The following PRDM1 variants were observed in gnomAD, a reference collection of about 807,000 sequenced individuals.
The protein encoded by PRDM1 is PR domain zinc finger protein 1.
PRDM1 carries 13 observed loss-of-function variants against 62.8 expected under a neutral mutation model. That is an observed-to-expected ratio of 0.21 (90% CI 0.13 to 0.33). The LOEUF (loss-of-function observed/expected upper bound fraction) is 0.33. Among genes scored for constraint, PRDM1 ranks in the 10% least tolerant of loss-of-function variants. The pLI is 1.00. For missense variants in PRDM1, 895 were observed against 1,058.8 expected (o/e 0.85, Z 2.15); for synonymous variants, 396 against 417.6 (o/e 0.95, Z 0.63).
intron 4 of PRDM1, among the ~76,000 whole-genome samples, chr6:106,101,066 G>A (rs1401295064): frequency 6.6e-6 from 1 of 152,084 alleles, no homozygotes; most frequent in Non-Finnish European, 1.5e-5. Flanking sequence ...CAAATGCACA[G>A]GCACAGTGGC....
At position 106,080,054 on chromosome 6, in the gene PRDM1, C is replaced by T. The variant is rs182109581; in HGVS notation, c.-66-8147C>T. Among the ~76,000 whole-genome samples the T allele has an allele frequency of 4.5e-3, 689 of 152,258 alleles. 7 individuals are homozygous for T. The highest frequency in any genetic ancestry group is 6.8e-3 in the Middle Eastern group (2 of 294). On this transcript the variant is annotated intron_variant, in intron 1 of 6. Transcript: ENST00000651185. Reference sequence around the variant, plus strand: ...TGGAAGGAGAGCACATGCAGGTAGGCGCCAAATTGGCATTTAAAGCTCTGT... The same window carrying T: ...TGGAAGGAGAGCACATGCAGGTAGGTGCCAAATTGGCATTTAAAGCTCTGT...
chr6:106,048,906 G>T (rs1773124100), intron 1 of PRDM1, among the ~76,000 whole-genome samples: 1 of 151,738 alleles, frequency 6.6e-6, no homozygotes, highest in Non-Finnish European at 1.5e-5. Context: ...TCGGCTCACT[G>T]CAATCTCTGC....
chr6:106,024,475 A>C (rs1772740422), intron 1 of PRDM1, among the ~76,000 whole-genome samples: 1 of 152,234 alleles, frequency 6.6e-6, no homozygotes. Flanking sequence ...GACAGATTGC[A>C]GTTGAAATTT....
chr6:106,094,352 C>T (rs1774035181), intron 2 of PRDM1, among the ~76,000 whole-genome samples: 2 of 152,110 alleles, frequency 1.3e-5, no homozygotes, highest in African/African-American at 4.8e-5. Context: ...AAAACCAAAA[C>T]AAAACTGTAA....
Position 106,107,614 on chromosome 6 carries a change from C to A in PRDM1, c.*128C>A. 1.3e-6 allele frequency: 1 copy of A among 786,974 alleles called. No individual in the cohort carries two copies. The allele number at this position is 786,974 out of a possible 1,614,324, so 48.7% of individuals were successfully genotyped here. A position where few individuals can be genotyped will look rare whatever the true frequency, so the allele number is the denominator to read the frequency against. On this transcript the variant is annotated 3_prime_UTR_variant, in exon 7 of 7. Coordinates refer to ENST00000369096, the MANE Select transcript of PRDM1 (RefSeq NM_001198.4). ...TCGACAGCAAATGGTTTCCCCTCAC[C>A]TCTGGAATTAAAGAAGGAACTCCAA...
intron 1 of PRDM1, among the ~76,000 whole-genome samples, chr6:106,028,731 A>G (rs1478141014): frequency 6.6e-6 from 1 of 152,082 alleles, no homozygotes; most frequent in African/African-American, 2.4e-5. Context: ...GAGATGATGA[A>G]CATTCCATTA....
chr6:106,047,915 G>A (rs1178590406), upstream of PRDM1, among the ~76,000 whole-genome samples: 1 of 152,182 alleles, frequency 6.6e-6, no homozygotes, highest in East Asian at 1.9e-4. Context: ...TAAATTCAAA[G>A]TAGAAGCATA....
chr6:106,089,011 G>A (rs1274079567), intron 2 of PRDM1, among the ~76,000 whole-genome samples: 1 of 152,214 alleles, frequency 6.6e-6, no homozygotes, highest in Non-Finnish European at 1.5e-5. Context: ...TGACTTCAGA[G>A]CTAACCACTG....
chr6:106,059,200 A>G (rs1773309280), intron 1 of PRDM1, among the ~76,000 whole-genome samples: 1 of 152,202 alleles, frequency 6.6e-6, no homozygotes, highest in Non-Finnish European at 1.5e-5. Context: ...AATTTCAGGT[A>G]AGATAAAAAA....
chr6:106,029,080 C>G (rs1379457977), intron 1 of PRDM1, among the ~76,000 whole-genome samples: 2 of 152,038 alleles, frequency 1.3e-5, no homozygotes, highest in Non-Finnish European at 2.9e-5. Flanking sequence ...GCCACCATGC[C>G]CAGCTAATTT....
chr6:105,998,919 A>T (rs1772389597), intron 1 of PRDM1, among the ~76,000 whole-genome samples: 1 of 4,792 alleles, frequency 2.1e-4, no homozygotes, highest in Non-Finnish European at 7.4e-4. Context: ...ATATATATAT[A>T]TATATATATA....
chr6:106,033,350 T>G (rs1369443814), intron 1 of PRDM1, among the ~76,000 whole-genome samples: 1 of 150,756 alleles, frequency 6.6e-6, no homozygotes. Flanking sequence ...ACAGAATCTC[T>G]CTATATTGCC....
At chr6:106,101,669 G>A (rs751279468) in intron 4 of PRDM1, among the ~76,000 whole-genome samples, 1 of 152,222 alleles carries the variant, frequency 6.6e-6, no homozygotes, top group Non-Finnish European at 1.5e-5. Context: ...GATTGAGACT[G>A]TGATCAGGAA....
intron 1 of PRDM1, among the ~76,000 whole-genome samples, chr6:106,041,394 T>C (rs1434874914): frequency 6.6e-6 from 1 of 152,220 alleles, no homozygotes; most frequent in Non-Finnish European, 1.5e-5. Context: ...CAAATAATGA[T>C]TAAGAAAAAA....
rs543900772 is a variant in PRDM1, at chr6:106,004,727, A to G, written c.-67+11088A>G. Among the ~76,000 whole-genome samples, 10 of 152,344 alleles carry G rather than the reference A, an allele frequency of 6.6e-5. No individual in the cohort carries two copies. The South Asian group carries it at 2.1e-3, about 32-fold the overall frequency. ...ACACATGCTGTTATGAATATATTAA[A>G]AAGCATTTTAACATGTTAGAGTCAT... On this transcript the variant is annotated intron_variant, in intron 1 of 6. Transcript: ENST00000652320.
At chr6:106,011,940 A>T (rs1772554635) in intron 1 of PRDM1, among the ~76,000 whole-genome samples, 1 of 150,410 alleles carries the variant, frequency 6.6e-6, no homozygotes, top group African/African-American at 2.5e-5. Context: ...ACACCTCTCC[A>T]CATTCTCACA....
At chr6:106,062,107 A>G (rs1773353941) in intron 1 of PRDM1, among the ~76,000 whole-genome samples, 1 of 152,214 alleles carries the variant, frequency 6.6e-6, no homozygotes, top group Non-Finnish European at 1.5e-5. Context: ...AATTGTAAAA[A>G]AATCTTTTAG....
At chr6:106,050,053 G>A (rs4946719) in intron 1 of PRDM1, among the ~76,000 whole-genome samples, 138,170 of 152,228 alleles carry the variant, frequency 0.91, 62,834 homozygotes, top group African/African-American at 0.95. Context: ...GAGCTTGAAT[G>A]CTAGTCTGAA....
Position 106,103,965 on chromosome 6 carries a change from A to G in PRDM1, c.665-860A>G, listed in dbSNP as rs542226445. ...GTCTGCACATCGCGAGGAAGGTGGT[A>G]TTCACTTCGCTAAGCTCCTTGGCAT... On this transcript the variant is annotated intron_variant, in intron 4 of 6. Coordinates refer to ENST00000369096, the MANE Select transcript of PRDM1 (RefSeq NM_001198.4). Among the ~76,000 whole-genome samples, 83 of 152,314 alleles carry G rather than the reference A, an allele frequency of 5.4e-4. 1 individual carries two copies. The highest frequency in any genetic ancestry group is 1.9e-3 in the African/African-American group (81 of 41,570).
Sources: allele counts gnomAD v4.1 joint callset (sites outside exome capture counted in the v4.1 genomes callset), GRCh38; gene constraint gnomAD v4.1.1; transcripts MANE v1.5; gene names NCBI Gene and HGNC (gene_info 2026-07-23, HGNC 2026-07-21).